SBF2: variants seen among roughly 807,000 people sequenced by gnomAD.
SBF2 encodes the protein myotubularin-related protein 13.
In SBF2, 112 loss-of-function variants were observed where a neutral mutation model predicts 225.2. The ratio of observed to expected loss-of-function variants is 0.50; its 90% CI spans 0.43 to 0.58. The LOEUF (loss-of-function observed/expected upper bound fraction) is 0.58. Among genes scored for constraint, SBF2 ranks in the 20% least tolerant of loss-of-function variants. The pLI is 0.00. For missense variants in SBF2, 1,996 were observed against 2,206.2 expected (o/e 0.90, Z 1.91); for synonymous variants, 763 against 773.3 (o/e 0.99, Z 0.22).
chr11:9,787,660 G>A lies in SBF2; in HGVS notation c.5011C>T (p.Leu1671Phe), dbSNP rs1177790220. The A allele has an allele frequency of 1.9e-6, 3 of 1,614,184 alleles. No individual in the cohort carries two copies. In the Admixed American group the frequency reaches 5.0e-5, roughly 27 times the overall value. The stretch of plus-strand genomic sequence containing the variant: ...CGATCTGTTCTTGGTTCTTCTTTAA[G>A]GTCCACGGTTACCCTTTCCCACAGC... ...QQLWERVTVDLKEEPRTDRSQ... is the reference protein window; with the variant it reads ...QQLWERVTVDFKEEPRTDRSQ... Residue 1671 changes from leucine to phenylalanine, a missense_variant, in exon 36 of 40, where the codon CTT becomes TTT. Physicochemically the swap from Leu to Phe is conservative, Grantham distance 22. Coordinates refer to ENST00000256190, the MANE Select transcript of SBF2 (RefSeq NM_030962.4).
intron 2 of SBF2, among the ~76,000 whole-genome samples, chr11:10,117,997 T>C (rs1409551453): frequency 6.6e-6 from 1 of 152,170 alleles, no homozygotes; most frequent in Non-Finnish European, 1.5e-5. Context: ...CGTGCAATTC[T>C]TCATGTCACT....
intron 2 of SBF2, among the ~76,000 whole-genome samples, chr11:10,147,461 C>T (rs1489899558): frequency 6.6e-6 from 1 of 152,040 alleles, no homozygotes. Flanking sequence ...AGCAAACTAA[C>T]AGAAAAACTG....
chr11:10,274,130 G>A (rs1198206781), intron 1 of SBF2, among the ~76,000 whole-genome samples: 1 of 152,220 alleles, frequency 6.6e-6, no homozygotes, highest in Non-Finnish European at 1.5e-5. Flanking sequence ...GTGGGAGTTA[G>A]GCCAGAATGT....
At chr11:10,301,861 G>A (rs2133654760) in intron 1 of SBF2, among the ~76,000 whole-genome samples, 1 of 152,318 alleles carries the variant, frequency 6.6e-6, no homozygotes, top group Middle Eastern at 3.4e-3. Flanking sequence ...TAGCATATGT[G>A]TATGTGTGTC....
intron 2 of SBF2, among the ~76,000 whole-genome samples, chr11:10,172,645 G>C (rs574599629): frequency 1.2e-4 from 19 of 152,236 alleles, no homozygotes; most frequent in African/African-American, 4.1e-4. Context: ...GAGCCACCAC[G>C]CCTGGCCAAT....
At chr11:9,879,717 A>T (rs1859579272) in intron 17 of SBF2, among the ~76,000 whole-genome samples, 2 of 152,226 alleles carry the variant, frequency 1.3e-5, no homozygotes, top group South Asian at 4.1e-4. Flanking sequence ...CTTTACATGA[A>T]TAATTTCATC....
chr11:9,883,654 C>T (rs1037969936), intron 17 of SBF2, among the ~76,000 whole-genome samples: 43 of 152,118 alleles, frequency 2.8e-4, no homozygotes, highest in African/African-American at 1.0e-3. Context: ...TAATAAATCA[C>T]AAGTTCCTCA....
intron 8 of SBF2, among the ~76,000 whole-genome samples, chr11:9,999,959 A>C (rs1305263434): frequency 6.6e-6 from 1 of 152,244 alleles, no homozygotes; most frequent in Non-Finnish European, 1.5e-5. Context: ...TGTGGATCAT[A>C]GATGCTATGC....
intron 2 of SBF2, among the ~76,000 whole-genome samples, chr11:10,140,363 T>C (rs1954583209): frequency 6.6e-6 from 1 of 152,148 alleles, no homozygotes; most frequent in Non-Finnish European, 1.5e-5. Context: ...GGCAATTGAG[T>C]TAATCACTAT....
intron 26 of SBF2, chr11:9,838,245 C>T (rs1443640279): frequency 6.6e-6 from 1 of 150,932 alleles, no homozygotes; most frequent in Non-Finnish European, 1.5e-5. Context: ...CATTTCCTTC[C>T]TGCTAATAAC....
chr11:10,265,162 C>T (rs1961850055), intron 1 of SBF2, among the ~76,000 whole-genome samples: 1 of 152,156 alleles, frequency 6.6e-6, no homozygotes, highest in Admixed American at 6.5e-5. Flanking sequence ...GCCACTCTGT[C>T]TTCCACAATG....
At chr11:9,922,689 C>T (rs1227918396) in intron 16 of SBF2, among the ~76,000 whole-genome samples, 1 of 152,198 alleles carries the variant, frequency 6.6e-6, no homozygotes, top group East Asian at 1.9e-4. Context: ...TGCTTTGAAA[C>T]ATACCCTTGT....
At chr11:10,249,071 G>A (rs1388192849) in intron 1 of SBF2, among the ~76,000 whole-genome samples, 5 of 151,776 alleles carry the variant, frequency 3.3e-5, no homozygotes, top group Admixed American at 2.6e-4. Flanking sequence ...ACTCCAGCCT[G>A]GGTGACAGAG....
chr11:10,051,241 T>A (rs1268171701), intron 2 of SBF2, among the ~76,000 whole-genome samples: 1 of 152,116 alleles, frequency 6.6e-6, no homozygotes, highest in African/African-American at 2.4e-5. Context: ...AATGTGTCTC[T>A]TTTTAAAAAG....
intron 26 of SBF2, among the ~76,000 whole-genome samples, chr11:9,836,191 T>C (rs895486523): frequency 9.2e-5 from 14 of 152,134 alleles, no homozygotes; most frequent in Admixed American, 2.6e-4. Flanking sequence ...TCCCTATACC[T>C]CAAGGTCATG....
At chr11:10,115,687 G>A (rs1351563195) in intron 2 of SBF2, among the ~76,000 whole-genome samples, 3 of 151,988 alleles carry the variant, frequency 2.0e-5, no homozygotes, top group Non-Finnish European at 4.4e-5. Flanking sequence ...CCTAATCTAC[G>A]AGACACATAA....
intron 16 of SBF2, among the ~76,000 whole-genome samples, chr11:9,910,689 C>T (rs11822070): frequency 0.013 from 1,956 of 149,808 alleles, 34 homozygotes; most frequent in African/African-American, 0.045. Flanking sequence ...TTTTAATGAA[C>T]AAGTTTAAAA....
At chr11:10,018,121 G>C (rs1436487992) in intron 6 of SBF2, among the ~76,000 whole-genome samples, 1 of 152,076 alleles carries the variant, frequency 6.6e-6, no homozygotes, top group Non-Finnish European at 1.5e-5. Flanking sequence ...AAATAAGAGG[G>C]AACTGTCCTG....
chr11:9,982,423 G>A (rs1590674120), intron 13 of SBF2, among the ~76,000 whole-genome samples: 1 of 152,260 alleles, frequency 6.6e-6, no homozygotes, highest in South Asian at 2.1e-4. Flanking sequence ...GAAAAATGTG[G>A]TCTATTTTGA....
Sources: allele counts gnomAD v4.1 joint callset (sites outside exome capture counted in the v4.1 genomes callset), GRCh38; gene constraint gnomAD v4.1.1; transcripts MANE v1.5; gene names NCBI Gene and HGNC (gene_info 2026-07-23, HGNC 2026-07-21).